DGKG: variants seen among roughly 807,000 people sequenced by gnomAD.
DGKG encodes diacylglycerol kinase gamma, also known as DAG kinase gamma.
A neutral mutation model predicts 105.3 loss-of-function variants in DGKG; 78 were observed. The observed-to-expected ratio is 0.74, with a 90% confidence interval of 0.62 to 0.89. The LOEUF is 0.89. Ranked by LOEUF, DGKG falls within the 40% of genes least tolerant of loss-of-function variation. The probability of loss-of-function intolerance (pLI) is 0.00; values close to 1 mark genes in which losing one functional copy is unlikely to be tolerated. For missense variants in DGKG, 958 were observed against 1,020.1 expected (o/e 0.94, Z 0.83); for synonymous variants, 346 against 367.1 (o/e 0.94, Z 0.66).
rs1715661406 is a variant in DGKG at position 186,149,621 on chromosome 3, T to G, written c.*469A>C. 2 of 988,362 alleles carry G rather than the reference T, an allele frequency of 2.0e-6. No homozygotes were observed. Among genetic ancestry groups the G allele is most frequent in the Non-Finnish European group, 2.4e-6 (2 of 831,586 alleles). The allele number at this position is 988,362 out of a possible 1,614,324, so 61.2% of individuals were successfully genotyped here. On this transcript the variant is annotated 3_prime_UTR_variant, in exon 25 of 25. Transcript: ENST00000265022. ...AGAGCCGGAGGCCGTTTTGTCTCTGTACAGAGGGAACTTTGTGCAAATTCT... is the reference window on the plus strand; with the variant it reads ...AGAGCCGGAGGCCGTTTTGTCTCTGGACAGAGGGAACTTTGTGCAAATTCT...
At chr3:186,359,699 C>T (rs1451822413) in intron 1 of DGKG, among the ~76,000 whole-genome samples, 3 of 151,922 alleles carry the variant, frequency 2.0e-5, no homozygotes, top group Non-Finnish European at 4.4e-5. Flanking sequence ...TATTAGGCAC[C>T]CAATAAATGC....
chr3:186,326,679 T>C (rs1345556821), intron 1 of DGKG, among the ~76,000 whole-genome samples: 4 of 152,326 alleles, frequency 2.6e-5, no homozygotes, highest in Non-Finnish European at 4.4e-5. Flanking sequence ...CAAAATAGAC[T>C]TCAAGATTTG....
chr3:186,182,095 C>A (rs970571970), intron 22 of DGKG, among the ~76,000 whole-genome samples: 1 of 152,252 alleles, frequency 6.6e-6, no homozygotes, highest in African/African-American at 2.4e-5. Context: ...CACCCTCCCC[C>A]TCCCCTTGCT....
intron 24 of DGKG, chr3:186,161,352 T>A: frequency 7.4e-7 from 1 of 1,344,564 alleles, no homozygotes; most frequent in South Asian, 1.6e-5. Context: ...AACTGTGAAC[T>A]CCTCGAAGTT....
At chr3:186,214,027 A>G (rs574170980) in intron 20 of DGKG, among the ~76,000 whole-genome samples, 1 of 152,254 alleles carries the variant, frequency 6.6e-6, no homozygotes, top group Non-Finnish European at 1.5e-5. Context: ...TTGTGATTCC[A>G]TTTTCAAATA....
intron 2 of DGKG, among the ~76,000 whole-genome samples, chr3:186,317,165 C>T (rs1029143401): frequency 7.9e-5 from 12 of 152,346 alleles, no homozygotes; most frequent in African/African-American, 2.9e-4. Flanking sequence ...ATTTGGAGCT[C>T]CTCCTTGCCT....
chr3:186,283,806 G>A (rs1722936033), intron 7 of DGKG, among the ~76,000 whole-genome samples: 2 of 152,184 alleles, frequency 1.3e-5, no homozygotes, highest in Non-Finnish European at 2.9e-5. Flanking sequence ...GTAGCTGGAG[G>A]GATCCCATAG....
intron 1 of DGKG, among the ~76,000 whole-genome samples, chr3:186,325,216 G>T (rs538764902): frequency 6.6e-6 from 1 of 152,068 alleles, no homozygotes; most frequent in East Asian, 1.9e-4. Flanking sequence ...AAATATGGAA[G>T]TAAAAGACAC....
intron 17 of DGKG, among the ~76,000 whole-genome samples, chr3:186,254,922 G>C (rs1861877): frequency 0.11 from 16,038 of 152,176 alleles, 924 homozygotes; most frequent in Middle Eastern, 0.14. Flanking sequence ...TTTCTCCCTA[G>C]CCTCATCCTT....
intron 22 of DGKG, among the ~76,000 whole-genome samples, chr3:186,187,280 C>A (rs1717687255): frequency 6.6e-6 from 1 of 152,132 alleles, no homozygotes; most frequent in Non-Finnish European, 1.5e-5. Flanking sequence ...TGGCTCAGAT[C>A]AAGATGGCAG....
intron 22 of DGKG, among the ~76,000 whole-genome samples, chr3:186,179,723 G>A (rs568633388): frequency 6.6e-6 from 1 of 152,314 alleles, no homozygotes; most frequent in Admixed American, 6.5e-5. Flanking sequence ...CAGATGCCAT[G>A]AGAGGTCTGC....
At position 186,268,594 on chromosome 3, in the gene DGKG, G is replaced by C. The variant is rs877966; in HGVS notation, c.1116+207C>G. Among the ~76,000 whole-genome samples the C allele has an allele frequency of 5.9e-3, 893 of 152,342 alleles. 12 individuals are homozygous for C. The highest frequency in any genetic ancestry group is 0.021 in the African/African-American group (854 of 41,580). ...CTTCTTCAGCAGTCCTCACTCCCCT[G>C]GTTCGGGGGTGCCCTCTCTCTGGGC... On this transcript the variant is annotated intron_variant, in intron 12 of 24. Coordinates refer to ENST00000265022, the MANE Select transcript of DGKG (RefSeq NM_001346.3).
Position 186,164,919 on chromosome 3 carries a change from T to G in DGKG, c.2195A>C (p.Gln732Pro). The G allele has an allele frequency of 6.2e-7, 1 of 1,613,658 alleles. No homozygotes were observed. The highest frequency in any genetic ancestry group is 8.5e-7 in the Non-Finnish European group (1 of 1,179,822). Residue 732 changes from glutamine (Q) to proline (P), a missense_variant, in exon 23 of 25, where the codon CAG becomes CCG. Physicochemically the swap from Gln to Pro is moderately conservative, Grantham distance 76. This residue lies in a region of DGKG where 315 missense variants were observed against 400.6 expected (regional missense o/e 0.79). Transcript: ENST00000265022. Reference sequence around the variant, plus strand: ...ATACCTGATGGTGACAGAGGCGCACTGGGCCAGCCTCCTGCCTGCACTCTT... The same window carrying G: ...ATACCTGATGGTGACAGAGGCGCACGGGGCCAGCCTCCTGCCTGCACTCTT... ...GLKSAGRRLA[Q>P]CASVTIRTNK...
chr3:186,303,958 T>C (rs1001593354), intron 3 of DGKG, among the ~76,000 whole-genome samples: 1 of 152,230 alleles, frequency 6.6e-6, no homozygotes, highest in Non-Finnish European at 1.5e-5. Flanking sequence ...GCCATGACAT[T>C]ACACCTACTA....
intron 21 of DGKG, among the ~76,000 whole-genome samples, chr3:186,191,995 C>T (rs897194411): frequency 2.9e-5 from 4 of 137,668 alleles, no homozygotes; most frequent in Non-Finnish European, 6.1e-5. Flanking sequence ...TTGGATCACA[C>T]TTTCTTTTTT....
At chr3:186,301,106 C>A (rs1251445262) in intron 3 of DGKG, among the ~76,000 whole-genome samples, 1 of 152,218 alleles carries the variant, frequency 6.6e-6, no homozygotes, top group Non-Finnish European at 1.5e-5. Flanking sequence ...TGTTCTTCTG[C>A]AACATCTGTC....
At chr3:186,355,375 A>AC (rs1726888836) in intron 1 of DGKG, among the ~76,000 whole-genome samples, 1 of 140,520 alleles carries the variant, frequency 7.1e-6, no homozygotes, top group South Asian at 2.4e-4. Flanking sequence ...CATGATCATC[A>AC]CCACCACCAC....
intron 21 of DGKG, among the ~76,000 whole-genome samples, chr3:186,193,646 A>G (rs1035827728): frequency 3.3e-5 from 5 of 152,170 alleles, no homozygotes; most frequent in Non-Finnish European, 5.9e-5. Context: ...TGGACGTGGA[A>G]GGCAGCCGTG....
chr3:186,331,281 T>C (rs950714241), intron 1 of DGKG, among the ~76,000 whole-genome samples: 1 of 152,170 alleles, frequency 6.6e-6, no homozygotes, highest in African/African-American at 2.4e-5. Flanking sequence ...AACCATCTAC[T>C]TGAGTGTGGG....
Sources: allele counts gnomAD v4.1 joint callset (sites outside exome capture counted in the v4.1 genomes callset), GRCh38; gene constraint gnomAD v4.1.1; regional missense constraint gnomAD v4.1.1; transcripts MANE v1.5; gene names NCBI Gene and HGNC (gene_info 2026-07-23, HGNC 2026-07-21).